Variants in NFIB observed in about 807,000 individuals in gnomAD.
The protein encoded by NFIB is nuclear factor I B, also known as nuclear factor 1 B-type.
Under a neutral mutation model 61.5 loss-of-function variants are expected in NFIB, and 11 were observed. The observed-to-expected ratio is 0.18, with a 90% CI of 0.11 to 0.30. The LOEUF (loss-of-function observed/expected upper bound fraction) is 0.30, where lower values mean the gene tolerates loss of function less well. Ranked by LOEUF, NFIB falls within the 10% of genes least tolerant of loss-of-function variation. NFIB has a pLI of 1.00. For synonymous variants in NFIB, 260 were observed against 216.5 expected (o/e 1.20, Z -1.76); for missense variants, 471 against 608.9 (o/e 0.77, Z 2.38).
intron 10 of NFIB, chr9:14,102,603 G>T: frequency 1.2e-6 from 1 of 804,186 alleles, no homozygotes; most frequent in Non-Finnish European, 1.7e-6. Flanking sequence ...ACTGTACATG[G>T]CATTAACCTT....
At chr9:14,188,124 T>C (rs114149719) in intron 2 of NFIB, among the ~76,000 whole-genome samples, 2,176 of 152,340 alleles carry the variant, frequency 0.014, 46 homozygotes, top group African/African-American at 0.048. Flanking sequence ...AACACCGTAC[T>C]GGTCATTGTC....
intron 4 of NFIB, among the ~76,000 whole-genome samples, chr9:14,151,081 T>C (rs1279602863): frequency 2.0e-5 from 3 of 152,162 alleles, no homozygotes; most frequent in Admixed American, 6.6e-5. Context: ...TTATAAGTTA[T>C]GTGCCCTAGT....
At chr9:14,387,373 A>G (rs55899329) in intron 1 of NFIB, among the ~76,000 whole-genome samples, 10,715 of 152,306 alleles carry the variant, frequency 0.07, 613 homozygotes, top group East Asian at 0.34. Flanking sequence ...CACTTGAAAC[A>G]TAACTAAAAA....
the NFIB span, among the ~76,000 whole-genome samples, chr9:14,491,018 G>T: frequency 6.6e-6 from 1 of 152,306 alleles, no homozygotes; most frequent in East Asian, 1.9e-4. Flanking sequence ...TACATTCATT[G>T]AATGGAACAC....
At chr9:14,278,466 G>C (rs1243689312) in intron 2 of NFIB, among the ~76,000 whole-genome samples, 2 of 152,158 alleles carry the variant, frequency 1.3e-5, no homozygotes, top group East Asian at 1.9e-4. Context: ...CCAATGGTCT[G>C]AAACATGTGG....
chr9:14,162,868 G>A (rs1434754331), intron 3 of NFIB, among the ~76,000 whole-genome samples: 1 of 151,666 alleles, frequency 6.6e-6, no homozygotes, highest in Non-Finnish European at 1.5e-5. Flanking sequence ...TTACTAAGTG[G>A]GCTATGTTTA....
chr9:14,253,167 T>C (rs1050539628), intron 2 of NFIB, among the ~76,000 whole-genome samples: 3 of 152,252 alleles, frequency 2.0e-5, no homozygotes, highest in East Asian at 1.9e-4. Flanking sequence ...TGTTCCCTGA[T>C]GGTTACAGCT....
chr9:14,372,445 ATC>A (rs1213364619), intron 1 of NFIB, among the ~76,000 whole-genome samples: 4 of 152,352 alleles, frequency 2.6e-5, no homozygotes, highest in South Asian at 2.1e-4. Flanking sequence ...CCAATAAATT[ATC>A]TCTGTTTTCT....
chr9:14,206,474 A>G (rs1230611980), intron 2 of NFIB, among the ~76,000 whole-genome samples: 2 of 151,848 alleles, frequency 1.3e-5, no homozygotes, highest in African/African-American at 2.4e-5. Flanking sequence ...GGCCCTTACT[A>G]ACACTCTTAA....
chr9:14,130,583 A>T (rs1407890405), intron 6 of NFIB, among the ~76,000 whole-genome samples: 1 of 152,106 alleles, frequency 6.6e-6, no homozygotes, highest in African/African-American at 2.4e-5. Flanking sequence ...TGCTTTTTTT[A>T]AAAAGGTGAC....
intron 2 of NFIB, among the ~76,000 whole-genome samples, chr9:14,295,103 A>T (rs1322347197): frequency 6.6e-6 from 1 of 152,216 alleles, no homozygotes; most frequent in Non-Finnish European, 1.5e-5. Flanking sequence ...AATAAATGTT[A>T]ACTTATTTCC....
chr9:14,308,334 A>G (rs1182515451), intron 1 of NFIB, among the ~76,000 whole-genome samples: 1 of 151,986 alleles, frequency 6.6e-6, no homozygotes, highest in Non-Finnish European at 1.5e-5. Flanking sequence ...CAACACACAC[A>G]CACACACACT....
the NFIB span, among the ~76,000 whole-genome samples, chr9:14,469,678 T>A: frequency 6.6e-6 from 1 of 152,190 alleles, no homozygotes; most frequent in Non-Finnish European, 1.5e-5. Context: ...TACCACTGTC[T>A]TGTATTCCCC....
chr9:14,372,046 A>G (rs991183361), intron 1 of NFIB, among the ~76,000 whole-genome samples: 3 of 151,970 alleles, frequency 2.0e-5, no homozygotes, highest in Admixed American at 1.3e-4. Flanking sequence ...CCATCTCTAC[A>G]TGAGTTGGTA....
chr9:14,362,712 A>G (rs1374906002), intron 1 of NFIB: 1 of 152,168 alleles, frequency 6.6e-6, no homozygotes, highest in East Asian at 1.9e-4. Context: ...CCTGGGCAAC[A>G]TAGAAAGACA....
At chr9:14,369,965 G>C (rs772146080) in intron 1 of NFIB, among the ~76,000 whole-genome samples, 3 of 152,300 alleles carry the variant, frequency 2.0e-5, no homozygotes, top group Non-Finnish European at 4.4e-5. Context: ...GGTAAGACAA[G>C]GTTATGTCCT....
At chr9:14,240,716 G>A (rs1435273258) in intron 2 of NFIB, among the ~76,000 whole-genome samples, 4 of 152,176 alleles carry the variant, frequency 2.6e-5, no homozygotes, top group Non-Finnish European at 4.4e-5. Context: ...GATACCGTCT[G>A]CGTTGTACTT....
chr9:14,175,234 T>C (rs1383655601), intron 3 of NFIB, among the ~76,000 whole-genome samples: 9 of 133,200 alleles, frequency 6.8e-5, no homozygotes, highest in South Asian at 2.6e-4. Context: ...AGTGCAGTGG[T>C]GCGATCTCGG....
intron 1 of NFIB, among the ~76,000 whole-genome samples, chr9:14,372,806 T>C (rs1424430100): frequency 6.6e-6 from 1 of 152,198 alleles, no homozygotes; most frequent in Non-Finnish European, 1.5e-5. Flanking sequence ...AAAATGTAAT[T>C]CTTGATGTCC....
Sources: allele counts gnomAD v4.1 joint callset (sites outside exome capture counted in the v4.1 genomes callset), GRCh38; gene constraint gnomAD v4.1.1; transcripts MANE v1.5; gene names NCBI Gene and HGNC (gene_info 2026-07-23, HGNC 2026-07-21).